Variants in NLGN4X observed in about 807,000 individuals in gnomAD.
NLGN4X encodes neuroligin 4 X-linked, also known as neuroligin-4, X-linked.
Under a neutral mutation model 40.3 loss-of-function variants are expected in NLGN4X, and 3 were observed. That is an observed-to-expected ratio of 0.07 (90% confidence interval 0.03 to 0.19). The LOEUF is 0.19. Among genes scored for constraint, NLGN4X ranks in the 10% least tolerant of loss-of-function variants. NLGN4X has a pLI of 1.00. For synonymous variants in NLGN4X, 270 were observed against 306.8 expected, an observed-to-expected ratio of 0.88 and a Z score of 1.25; for missense variants, 382 against 708.3, an observed-to-expected ratio of 0.54 and a Z score of 5.23.
intron 1 of NLGN4X, among the ~76,000 whole-genome samples, chrX:6,174,214 G>A (rs1299661933): frequency 9.0e-6 from 1 of 110,812 alleles, no homozygotes; most frequent in Non-Finnish European, 1.9e-5. Context: ...AAACCACAAT[G>A]AGAAACCATC....
At chrX:6,207,055 T>TAC (rs371238129) in intron 1 of NLGN4X, among the ~76,000 whole-genome samples, 104 of 106,552 alleles carry the variant, frequency 9.8e-4, no homozygotes, top group Non-Finnish European at 1.6e-3. Flanking sequence ...CACACACACA[T>TAC]ACACACACAC....
At chrX:6,120,037 G>A (rs1258627846) in intron 2 of NLGN4X, among the ~76,000 whole-genome samples, 4 of 111,463 alleles carry the variant, frequency 3.6e-5, no homozygotes, top group African/African-American at 1.3e-4. Context: ...ACAAAACAGA[G>A]GCAGGTGTGG....
intron 1 of NLGN4X, among the ~76,000 whole-genome samples, chrX:6,221,487 T>C (rs1286335124): frequency 9.9e-6 from 1 of 101,049 alleles, no homozygotes; most frequent in African/African-American, 3.6e-5. Flanking sequence ...CAAAGACTAG[T>C]TCCTAGTTAA....
At chrX:6,029,137 C>A in intron 3 of NLGN4X, 143 bp downstream of exon 3, 1 of 677,372 alleles carries the variant, frequency 1.5e-6, no homozygotes, top group Non-Finnish European at 2.3e-6. Flanking sequence ...ATAAACATAT[C>A]CAATCACATA....
At chrX:6,016,243 A>G (rs1233207064) in intron 3 of NLGN4X, among the ~76,000 whole-genome samples, 1 of 112,134 alleles carries the variant, frequency 8.9e-6, no homozygotes, top group Non-Finnish European at 1.9e-5. Flanking sequence ...GACACGCAGA[A>G]CAACCTCTTC....
intron 1 of NLGN4X, among the ~76,000 whole-genome samples, chrX:6,206,872 T>C (rs1924079765): frequency 8.9e-6 from 1 of 111,975 alleles, no homozygotes. Flanking sequence ...CAATATATCT[T>C]TTTGGGGAAC....
chrX:6,090,619 G>A (rs1244069560), intron 2 of NLGN4X, among the ~76,000 whole-genome samples: 1 of 111,903 alleles, frequency 8.9e-6, no homozygotes, highest in Non-Finnish European at 1.9e-5. Flanking sequence ...TAGAAATCTT[G>A]TAAAAACACT....
In NLGN4X at chrX:5,893,225, G is replaced by A. The variant is rs770117821; in HGVS notation, c.2043C>T (p.Val681=). 1.2e-5 allele frequency: 14 copies of A among 1,209,131 alleles called. No homozygotes were observed. The East Asian group carries it at 2.7e-4, about 23-fold the overall frequency. The change falls in exon 6 of 6, where the codon GTC becomes GTT. Residue 681 remains valine (V), a synonymous_variant. Coordinates refer to ENST00000381095, the MANE Select transcript of NLGN4X (RefSeq NM_181332.3). ...TGTTGAGGAAGAGGAGCGACGCCCC[G>A]ACGGCAATGGTGACACTTAATTCGG... The part of the protein sequence containing the change: ...YSTELSVTIA[V]GASLLFLNIL...
intron 3 of NLGN4X, among the ~76,000 whole-genome samples, chrX:6,004,482 T>C (rs1198819759): frequency 9.0e-6 from 1 of 111,667 alleles, no homozygotes; most frequent in Non-Finnish European, 1.9e-5. Flanking sequence ...GTATCTTTAC[T>C]CACAAACATC....
At chrX:6,221,391 TTATATATATATATATA>T (rs60897428) in intron 1 of NLGN4X, among the ~76,000 whole-genome samples, 20 of 53,374 alleles carry the variant, frequency 3.7e-4, no homozygotes, top group African/African-American at 1.3e-3. Context: ...CCTTCTTATA[TTATATATATATATATA>T]TATATATATA....
intron 1 of NLGN4X, among the ~76,000 whole-genome samples, chrX:6,183,439 T>C (rs1433992827): frequency 9.1e-6 from 1 of 110,223 alleles, no homozygotes; most frequent in African/African-American, 3.3e-5. Context: ...CCCAGCCACT[T>C]GGGAGGCTGA....
chrX:5,972,145 ATATG>A (rs1429517005), intron 3 of NLGN4X, among the ~76,000 whole-genome samples: 2 of 105,678 alleles, frequency 1.9e-5, no homozygotes, highest in Admixed American at 9.8e-5. Context: ...GCACACACAC[ATATG>A]TATATGTGTG....
At chrX:6,189,708 G>A (rs1922376786) in intron 1 of NLGN4X, among the ~76,000 whole-genome samples, 1 of 111,158 alleles carries the variant, frequency 9.0e-6, no homozygotes, top group South Asian at 3.8e-4. Context: ...AACTAGGACA[G>A]TCTGATTATA....
At chrX:6,039,010 A>G (rs966996274) in intron 2 of NLGN4X, among the ~76,000 whole-genome samples, 1 of 111,108 alleles carries the variant, frequency 9.0e-6, no homozygotes, top group Non-Finnish European at 1.9e-5. Context: ...TAGATAGACA[A>G]TTGTTGAATT....
intron 1 of NLGN4X, among the ~76,000 whole-genome samples, chrX:6,189,536 A>T (rs753500059): frequency 2.2e-4 from 25 of 112,304 alleles, no homozygotes; most frequent in African/African-American, 3.2e-4. Context: ...AAACAATTTT[A>T]AAAAAGTCCT....
At chrX:6,108,405 C>A (rs2039076632) in intron 2 of NLGN4X, among the ~76,000 whole-genome samples, 2 of 111,848 alleles carry the variant, frequency 1.8e-5, no homozygotes, top group African/African-American at 6.5e-5. Context: ...TGGCTCATGC[C>A]TGTAATCCCA....
intron 4 of NLGN4X, among the ~76,000 whole-genome samples, chrX:5,906,078 C>T (rs1170743332): frequency 8.9e-6 from 1 of 111,994 alleles, no homozygotes; most frequent in Admixed American, 9.5e-5. Flanking sequence ...TTAACACCTC[C>T]CTCCAATTAA....
At chrX:5,970,246 G>C (rs1245739902) in intron 3 of NLGN4X, among the ~76,000 whole-genome samples, 3 of 110,890 alleles carry the variant, frequency 2.7e-5, no homozygotes, top group African/African-American at 9.8e-5. Flanking sequence ...TAAATGACGA[G>C]TTAATGGGTG....
intron 1 of NLGN4X, among the ~76,000 whole-genome samples, chrX:6,222,927 T>C (rs1437492779): frequency 8.9e-6 from 1 of 111,948 alleles, no homozygotes. Context: ...TCCACCATGA[T>C]TGTAAGTTTC....
Sources: gnomAD v4.1 joint callset for allele counts (sites outside exome capture counted in the v4.1 genomes callset) on GRCh38, gnomAD v4.1.1 for gene constraint, MANE v1.5 for transcripts, NCBI Gene and HGNC (gene_info 2026-07-23, HGNC 2026-07-21) for gene names.